Variants in CHRFAM7A observed in about 807,000 individuals in gnomAD.
CHRFAM7A encodes CHRNA7-FAM7A fusion protein.
CHRFAM7A carries 3 observed loss-of-function variants against 29.2 expected under a neutral mutation model. That is an observed-to-expected ratio of 0.10 (90% confidence interval 0.05 to 0.27). CHRFAM7A has a LOEUF of 0.27. Ranked by LOEUF, CHRFAM7A falls within the 10% of genes least tolerant of loss-of-function variation. The pLI, the probability that CHRFAM7A is intolerant of heterozygous loss-of-function variation, is 1.00. For missense variants in CHRFAM7A, 22 were observed against 328.0 expected (o/e 0.07, Z 7.21); for synonymous variants, 7 against 135.4 (o/e 0.05, Z 6.58).
At chr15:30,375,788 C>T (rs1406338222) in intron 5 of CHRFAM7A, among the ~76,000 whole-genome samples, 13 of 130,644 alleles carry the variant, frequency 1.0e-4, no homozygotes, top group African/African-American at 3.7e-4. Context: ...AGTGTTGAGT[C>T]GTGTGGGTGG....
intron 2 of CHRFAM7A, among the ~76,000 whole-genome samples, 176 bp from the exon 3 acceptor site, chr15:30,383,558 ATAAT>A (rs1291184756): frequency 3.8e-5 from 1 of 25,984 alleles, no homozygotes; most frequent in African/African-American, 8.0e-5. Flanking sequence ...TATATAGATA[ATAAT>A]TTATTTTTTA....
intron 8 of CHRFAM7A, among the ~76,000 whole-genome samples, chr15:30,369,399 GA>G (rs2140874401): frequency 7.0e-6 from 1 of 141,894 alleles, no homozygotes; most frequent in South Asian, 2.2e-4. Context: ...TAGGAGAAAG[GA>G]GGGGGCATTC....
At chr15:30,377,411 A>G (rs34660238) in intron 4 of CHRFAM7A, among the ~76,000 whole-genome samples, 13,624 of 125,394 alleles carry the variant, frequency 0.11, 438 homozygotes, top group Middle Eastern at 0.18. Context: ...TCTGGAGGAC[A>G]TCGGCAGATG....
intron 9 of CHRFAM7A, 36 bp downstream of exon 9, chr15:30,367,382 G>C: frequency 6.3e-7 from 1 of 1,595,230 alleles, no homozygotes; most frequent in South Asian, 1.1e-5. Flanking sequence ...CCTTTACAGC[G>C]GGGCTCCGAC....
At chr15:30,370,876 G>A (rs1447308013) in intron 8 of CHRFAM7A, among the ~76,000 whole-genome samples, 7 of 151,434 alleles carry the variant, frequency 4.6e-5, no homozygotes, top group African/African-American at 1.2e-4. Context: ...ATGAGGGGAA[G>A]GGGGGCATTT....
chr15:30,367,363 G>C, intron 9 of CHRFAM7A, 55 bp downstream of exon 9: 2 of 1,575,784 alleles, frequency 1.3e-6, no homozygotes, highest in South Asian at 2.2e-5. Context: ...TAAACCCTAG[G>C]AGGAGCCTCC....
intron 5 of CHRFAM7A, among the ~76,000 whole-genome samples, chr15:30,373,602 A>G (rs1386974191): frequency 1.6e-5 from 2 of 121,298 alleles, no homozygotes; most frequent in Admixed American, 8.5e-5. Flanking sequence ...GGAAGAACAC[A>G]TGATTATCGA....
chr15:30,382,130 AGATGTCTAAAGCAG>A (rs1231761952), intron 3 of CHRFAM7A, among the ~76,000 whole-genome samples: 1 of 26,950 alleles, frequency 3.7e-5, no homozygotes, highest in Non-Finnish European at 9.5e-5. Context: ...CAAACCAAGC[AGATGTCTAAAGCAG>A]AATTGTCTCA....
At chr15:30,375,655 G>T (rs1343422277) in intron 5 of CHRFAM7A, among the ~76,000 whole-genome samples, 1 of 148,922 alleles carries the variant, frequency 6.7e-6, no homozygotes, top group Non-Finnish European at 1.5e-5. Context: ...TGTGTAAGTG[G>T]TGTGTGTGAG....
In CHRFAM7A at chr15:30,371,506, G is replaced by A. The variant is rs560752594; in HGVS notation, c.524-322C>T. 8.7e-4 allele frequency among the ~76,000 whole-genome samples: 130 copies of A among 149,368 alleles called. 2 individuals are homozygous for A. The highest frequency in any genetic ancestry group is 3.0e-3 in the African/African-American group (119 of 40,134). On this transcript the variant is annotated intron_variant, in intron 7 of 9. Transcript: ENST00000299847. ...AAATATTATTGAGAAGTAGTTTCAC[G>A]TAGCAGGAAAAAGAAAATATGCAGT...
chr15:30,377,698 C>T lies in CHRFAM7A; in HGVS notation c.81-589G>A, dbSNP rs1441783955. On this transcript the variant is annotated intron_variant, in intron 4 of 9. Transcript: ENST00000299847. Reference sequence around the variant, plus strand: ...CATGTCATCCTCCTGCCTCAGCTTCCCGAGTAGCTGGGACTACAGGTGCAC... The same window carrying T: ...CATGTCATCCTCCTGCCTCAGCTTCTCGAGTAGCTGGGACTACAGGTGCAC... Among the ~76,000 whole-genome samples the T allele has an allele frequency of 1.1e-3, 154 of 142,474 alleles. 6 individuals are homozygous for T. The highest frequency in any genetic ancestry group is 1.7e-3 in the Non-Finnish European group (112 of 65,338). The allele number at this position is 142,474 out of a possible 152,430, so 93.5% of individuals were successfully genotyped here. A position where few individuals can be genotyped will look rare whatever the true frequency, so the allele number is the denominator to read the frequency against.
chr15:30,374,483 T>G (rs1224223160), intron 5 of CHRFAM7A, among the ~76,000 whole-genome samples: 2 of 138,384 alleles, frequency 1.4e-5, no homozygotes, highest in African/African-American at 5.5e-5. Context: ...AAAACCCACC[T>G]TGTCTGCCAG....
intron 5 of CHRFAM7A, among the ~76,000 whole-genome samples, chr15:30,374,421 G>A (rs1234149177): frequency 1.0e-5 from 1 of 98,884 alleles, no homozygotes; most frequent in African/African-American, 4.0e-5. Context: ...ATGTTTATAG[G>A]AATCTGGAAT....
chr15:30,371,461 T>C (rs2058856143), intron 7 of CHRFAM7A, among the ~76,000 whole-genome samples: 1 of 147,730 alleles, frequency 6.8e-6, no homozygotes, highest in Admixed American at 6.8e-5. Flanking sequence ...TTGGCACAAT[T>C]ATCTTTCATA....
At chr15:30,374,394 T>G (rs1405750156) in intron 5 of CHRFAM7A, among the ~76,000 whole-genome samples, 18 of 86,476 alleles carry the variant, frequency 2.1e-4, no homozygotes, top group Non-Finnish European at 2.2e-4. Flanking sequence ...TAAGTATGCT[T>G]TGCGTCCTTA....
In CHRFAM7A at chr15:30,360,598, C is replaced by T. The variant is rs967186018; in HGVS notation, c.*1695G>A. The T allele has an allele frequency of 2.6e-5, 1 of 38,322 alleles. No homozygotes were observed. The highest frequency in any genetic ancestry group is 9.6e-5 in the African/African-American group (1 of 10,426). 2.4% of individuals were successfully genotyped at this position (38,322 alleles called of 1,614,324 possible). A position where few individuals can be genotyped will look rare whatever the true frequency, so the allele number is the denominator to read the frequency against. On this transcript the variant is annotated 3_prime_UTR_variant, in exon 10 of 10. Transcript: ENST00000299847. ...AAAAGCACATACAATTTATTTAACT[C>T]TGAAAATCAAATCTTCCCTCATGAT...
At chr15:30,375,676 GTGTC>G (rs1279035918) in intron 5 of CHRFAM7A, among the ~76,000 whole-genome samples, 3,798 of 146,690 alleles carry the variant, frequency 0.026, 1 homozygote, top group African/African-American at 0.063. Flanking sequence ...GGGTGTGTGT[GTGTC>G]TGGTGTGTGT....
rs1246378338 is a variant in CHRFAM7A, at chr15:30,369,236, G to A, written c.611-1709C>T. Among the ~76,000 whole-genome samples, 1,059 of 147,908 alleles carry A rather than the reference G, an allele frequency of 7.2e-3. 6 individuals carry two copies. The highest frequency in any genetic ancestry group is 0.026 in the African/African-American group (1,009 of 38,828). ...CCAGAGCCCTGCTGCCACCCTTATCGAGGACGTGCAGCCTTGCAGAACTCT... is the reference window on the plus strand; with the variant it reads ...CCAGAGCCCTGCTGCCACCCTTATCAAGGACGTGCAGCCTTGCAGAACTCT... On this transcript the variant is annotated intron_variant, in intron 8 of 9. Transcript: ENST00000299847.
intron 5 of CHRFAM7A, among the ~76,000 whole-genome samples, chr15:30,375,662 TGA>T (rs1458504300): frequency 3.1e-4 from 45 of 146,536 alleles, no homozygotes; most frequent in East Asian, 6.3e-4. Context: ...GTGGTGTGTG[TGA>T]GGGGTGTGTG....
Sources: gnomAD v4.1 joint callset for allele counts (sites outside exome capture counted in the v4.1 genomes callset) on GRCh38, gnomAD v4.1.1 for gene constraint, MANE v1.5 for transcripts, NCBI Gene and HGNC (gene_info 2026-07-23, HGNC 2026-07-21) for gene names.